CLVS1: variants seen among roughly 807,000 people sequenced by gnomAD.
CLVS1 encodes clavesin 1.
CLVS1 carries 10 observed loss-of-function variants against 33.1 expected under a neutral mutation model. The ratio of observed to expected loss-of-function variants is 0.30; its 90% CI spans 0.19 to 0.51. CLVS1 has a LOEUF of 0.51. Among genes scored for constraint, CLVS1 ranks in the 20% least tolerant of loss-of-function variants. The pLI, the probability that CLVS1 is intolerant of heterozygous loss-of-function variation, is 0.97. For missense variants in CLVS1, 343 were observed against 433.4 expected (o/e 0.79, Z 1.85); for synonymous variants, 163 against 166.1 (o/e 0.98, Z 0.14).
intron 5 of CLVS1, among the ~76,000 whole-genome samples, chr8:61,480,232 C>G (rs565666998): frequency 6.6e-6 from 1 of 152,364 alleles, no homozygotes; most frequent in East Asian, 1.9e-4. Flanking sequence ...GGGCTCCACC[C>G]AGTTCGAGCT....
chr8:61,066,147 T>C (rs956346559), intron 1 of CLVS1, among the ~76,000 whole-genome samples: 2 of 152,172 alleles, frequency 1.3e-5, no homozygotes, highest in African/African-American at 4.8e-5. Context: ...GTATCATCTA[T>C]ATTGTTTTCA....
At chr8:61,102,278 AC>A in intron 1 of CLVS1, among the ~76,000 whole-genome samples, 1 of 152,114 alleles carries the variant, frequency 6.6e-6, no homozygotes, top group Admixed American at 6.6e-5. Context: ...ATTTATGTCA[AC>A]AATGTTTTAT....
chr8:61,489,571 T>A (rs1381160217), intron 5 of CLVS1, among the ~76,000 whole-genome samples: 1 of 152,362 alleles, frequency 6.6e-6, no homozygotes, highest in African/African-American at 2.4e-5. Context: ...AGATGAAGAT[T>A]GTCGTGAAGA....
chr8:61,440,279 G>A (rs1816491634), intron 3 of CLVS1, among the ~76,000 whole-genome samples: 1 of 152,194 alleles, frequency 6.6e-6, no homozygotes, highest in African/African-American at 2.4e-5. Flanking sequence ...CATTACATGA[G>A]ACAACACATA....
chr8:61,222,267 T>C (rs1808233211), intron 2 of CLVS1, among the ~76,000 whole-genome samples: 1 of 152,146 alleles, frequency 6.6e-6, no homozygotes, highest in Admixed American at 6.5e-5. Context: ...TTTTTAATTG[T>C]GATGTTAGGG....
At chr8:61,178,001 G>T (rs1406798997) in intron 2 of CLVS1, among the ~76,000 whole-genome samples, 1 of 152,064 alleles carries the variant, frequency 6.6e-6, no homozygotes, top group African/African-American at 2.4e-5. Context: ...TGAGATGGAC[G>T]AATTGACAGA....
intron 2 of CLVS1, among the ~76,000 whole-genome samples, chr8:61,359,702 A>G (rs898025331): frequency 3.3e-5 from 5 of 152,218 alleles, no homozygotes; most frequent in African/African-American, 1.2e-4. Context: ...TGAACCTAGT[A>G]TAAATATGAC....
chr8:61,232,881 C>T (rs1376175189), intron 2 of CLVS1, among the ~76,000 whole-genome samples: 3 of 152,192 alleles, frequency 2.0e-5, no homozygotes, highest in East Asian at 3.8e-4. Context: ...CACATTTGAA[C>T]ATCTCTTTAA....
At chr8:61,358,475 T>G (rs1812836111) in intron 2 of CLVS1, among the ~76,000 whole-genome samples, 1 of 152,182 alleles carries the variant, frequency 6.6e-6, no homozygotes, top group Non-Finnish European at 1.5e-5. Flanking sequence ...GCCCAATCAG[T>G]ATGTCTTATC....
At chr8:61,025,172 C>T in the CLVS1 span, among the ~76,000 whole-genome samples, 2 of 152,246 alleles carry the variant, frequency 1.3e-5, no homozygotes, top group South Asian at 4.1e-4. Context: ...AAAAGGAGTT[C>T]TCCTTCCCTT....
chr8:61,035,182 TTTTTC>T, the CLVS1 span, among the ~76,000 whole-genome samples: 33 of 88,040 alleles, frequency 3.7e-4, 2 homozygotes, highest in African/African-American at 1.4e-3. Flanking sequence ...TTTCTTTTCT[TTTTTC>T]TTTTTTTTTT....
At chr8:61,195,822 A>G (rs1251922498) in intron 2 of CLVS1, among the ~76,000 whole-genome samples, 2 of 152,158 alleles carry the variant, frequency 1.3e-5, no homozygotes, top group African/African-American at 4.8e-5. Flanking sequence ...TGAGACTTGT[A>G]AATGTGAATG....
intron 3 of CLVS1, among the ~76,000 whole-genome samples, chr8:61,415,796 A>G (rs1314581434): frequency 6.6e-6 from 1 of 152,220 alleles, no homozygotes; most frequent in African/African-American, 2.4e-5. Flanking sequence ...AAGGGAACAG[A>G]CTAGTGATCC....
At chr8:61,355,151 C>A (rs1585848781) in intron 2 of CLVS1, among the ~76,000 whole-genome samples, 2 of 152,114 alleles carry the variant, frequency 1.3e-5, no homozygotes, top group East Asian at 3.9e-4. Flanking sequence ...AGAGCTCTTG[C>A]AGCAACATCA....
chr8:61,483,077 G>T lies in CLVS1; in HGVS notation c.978-16378G>T, dbSNP rs7461368. On this transcript the variant is annotated intron_variant, in intron 5 of 5. Transcript: ENST00000325897. ...ACATTCAAAAGCTAGCAGAAGGCAA[G>T]AAATAACTAAGATCAGAGCAGAACT... 2.2e-3 allele frequency among the ~76,000 whole-genome samples: 342 copies of T among 152,238 alleles called. 2 individuals are homozygous for T. The highest frequency in any genetic ancestry group is 8.0e-3 in the African/African-American group (332 of 41,528).
chr8:61,264,553 TAAA>T (rs35572865), intron 2 of CLVS1: 1 of 151,916 alleles, frequency 6.6e-6, no homozygotes, highest in Non-Finnish European at 1.5e-5. Flanking sequence ...GGTTTCGCCC[TAAA>T]AGGGCAGGAT....
At chr8:61,209,882 C>T (rs2129307017) in intron 2 of CLVS1, among the ~76,000 whole-genome samples, 1 of 152,232 alleles carries the variant, frequency 6.6e-6, no homozygotes, top group East Asian at 1.9e-4. Context: ...TTGCTTCTAA[C>T]CGATAGAGTA....
At chr8:61,198,487 C>T (rs1807662067) in intron 2 of CLVS1, among the ~76,000 whole-genome samples, 1 of 152,202 alleles carries the variant, frequency 6.6e-6, no homozygotes. Context: ...TCGAGCGATT[C>T]TCCTGCGTCA....
At chr8:61,154,498 G>A (rs1806612368) in intron 2 of CLVS1, among the ~76,000 whole-genome samples, 1 of 152,078 alleles carries the variant, frequency 6.6e-6, no homozygotes, top group South Asian at 2.1e-4. Flanking sequence ...TTAATGGATG[G>A]TTCGATATAA....
Sources: gnomAD v4.1 joint callset for allele counts (sites outside exome capture counted in the v4.1 genomes callset) on GRCh38, gnomAD v4.1.1 for gene constraint, MANE v1.5 for transcripts, NCBI Gene and HGNC (gene_info 2026-07-23, HGNC 2026-07-21) for gene names.